EPG5: variants seen among roughly 807,000 people sequenced by gnomAD.
EPG5 encodes the protein ectopic P-granules 5 autophagy tethering factor, also known as ectopic P granules protein 5 homolog.
A neutral mutation model predicts 302.7 loss-of-function variants in EPG5; 159 were observed. That is an observed-to-expected ratio of 0.53 (90% confidence interval 0.46 to 0.60). The LOEUF (loss-of-function observed/expected upper bound fraction) is 0.60. Ranked by LOEUF, EPG5 falls within the 20% of genes least tolerant of loss-of-function variation. EPG5 has a pLI of 0.00. For missense variants in EPG5, 2,896 were observed against 3,092.4 expected (o/e 0.94, Z 1.51); for synonymous variants, 1,158 against 1,136.8 (o/e 1.02, Z -0.37).
chr18:45,811,013 C>T, the EPG5 span, among the ~76,000 whole-genome samples: 2 of 151,992 alleles, frequency 1.3e-5, no homozygotes, highest in Admixed American at 6.6e-5. Context: ...AGAGACATAC[C>T]TCAATGTAAT....
the EPG5 span, chr18:45,838,727 G>T: frequency 6.3e-7 from 1 of 1,577,078 alleles, no homozygotes; most frequent in Non-Finnish European, 8.5e-7. Flanking sequence ...GCCGCGCCGC[G>T]GATCGTCAAC....
chr18:45,913,690 G>C lies in EPG5; in HGVS notation c.3816+16C>G, dbSNP rs1301437178. Reference sequence around the variant, plus strand: ...AGCCACCTTCTACCACTCAAATGCAGAACTGCTATTTGTACCTTCAGAGCT... The same window carrying C: ...AGCCACCTTCTACCACTCAAATGCACAACTGCTATTTGTACCTTCAGAGCT... On this transcript the variant is annotated intron_variant, in intron 21 of 43. Transcript: ENST00000282041. The C allele has an allele frequency of 2.5e-6, 4 of 1,613,608 alleles. No homozygotes were observed. The African/African-American group carries it at 5.3e-5, about 22-fold the overall frequency.
intron 18 of EPG5, 104 bp downstream of exon 18, chr18:45,916,334 T>A: frequency 6.5e-7 from 1 of 1,538,002 alleles, no homozygotes; most frequent in East Asian, 2.3e-5. Flanking sequence ...AAAAGCACAC[T>A]AAGCCAAGTG....
At chr18:45,929,806 G>A (rs2050359134) in intron 12 of EPG5, among the ~76,000 whole-genome samples, 1 of 152,116 alleles carries the variant, frequency 6.6e-6, no homozygotes, top group Non-Finnish European at 1.5e-5. Context: ...CTTTATGCAT[G>A]GTTATGAAGT....
At chr18:45,925,687 A>G (rs1417592252) in intron 14 of EPG5, 51 bp downstream of exon 14, 2 of 1,350,908 alleles carry the variant, frequency 1.5e-6, no homozygotes, top group Non-Finnish European at 1.9e-6. Flanking sequence ...CCTTCTTTGA[A>G]ACAGATGCAT....
intron 30 of EPG5, among the ~76,000 whole-genome samples, chr18:45,883,459 G>A (rs1162953863): frequency 1.0e-5 from 1 of 98,190 alleles, no homozygotes; most frequent in Non-Finnish European, 2.2e-5. Context: ...TGTCAAGGTT[G>A]TCTTTTTTTT....
downstream of EPG5, among the ~76,000 whole-genome samples, chr18:45,846,036 AAG>A (rs1026501758): frequency 1.3e-5 from 2 of 152,190 alleles, no homozygotes; most frequent in Admixed American, 1.3e-4. Context: ...CAGACAGGAC[AAG>A]AGAGCCAGGG....
At chr18:45,826,741 A>T in the EPG5 span, among the ~76,000 whole-genome samples, 1 of 152,098 alleles carries the variant, frequency 6.6e-6, no homozygotes, top group Admixed American at 6.6e-5. Context: ...CTGGATGATA[A>T]ACTCCCACAC....
rs950136732 is a variant in EPG5, at chr18:45,851,532, C to T, written c.*935G>A. ...TCTGAGTTTGAAGTTAAAAAACAAG[C>T]AGGGAACAGAGAATCAGGTCTTCAG... On this transcript the variant is annotated 3_prime_UTR_variant, in exon 44 of 44. Coordinates refer to ENST00000282041, the MANE Select transcript of EPG5 (RefSeq NM_020964.3). The T allele has an allele frequency of 1.3e-5, 2 of 152,212 alleles. No individual in the cohort carries two copies. The highest frequency in any genetic ancestry group is 4.8e-5 in the African/African-American group (2 of 41,454). The allele number at this position is 152,212 out of a possible 1,614,324, so 9.4% of individuals were successfully genotyped here. A position where few individuals can be genotyped will look rare whatever the true frequency, so the allele number is the denominator to read the frequency against.
intron 16 of EPG5, among the ~76,000 whole-genome samples, chr18:45,918,508 T>A (rs1483139584): frequency 1.3e-5 from 2 of 152,218 alleles, no homozygotes; most frequent in East Asian, 3.8e-4. Context: ...GCATAAAAGT[T>A]TTATTCTCTG....
At chr18:45,816,842 A>G in the EPG5 span, among the ~76,000 whole-genome samples, 7 of 152,234 alleles carry the variant, frequency 4.6e-5, no homozygotes, top group African/African-American at 1.7e-4. Context: ...CACAATTCTT[A>G]ATTACAAAAA....
the EPG5 span, among the ~76,000 whole-genome samples, chr18:45,819,378 T>C: frequency 6.6e-6 from 1 of 152,314 alleles, no homozygotes; most frequent in East Asian, 1.9e-4. Flanking sequence ...TAAACTCTCT[T>C]TGTTTCATTG....
chr18:45,919,736 T>G (rs1024387972), intron 16 of EPG5, among the ~76,000 whole-genome samples: 141 of 152,142 alleles, frequency 9.3e-4, no homozygotes, highest in African/African-American at 3.1e-3. Flanking sequence ...ATGGTCTCGA[T>G]CTCCTGACCT....
chr18:45,831,745 T>TTA, the EPG5 span, among the ~76,000 whole-genome samples: 5 of 148,540 alleles, frequency 3.4e-5, no homozygotes, highest in African/African-American at 5.0e-5. Context: ...ACCAACATCT[T>TTA]TTTTTTTTTT....
chr18:45,944,055 T>C lies in EPG5; in HGVS notation c.1742A>G (p.Gln581Arg). The C allele has an allele frequency of 6.2e-7, 1 of 1,614,096 alleles. No individual in the cohort carries two copies. The highest frequency in any genetic ancestry group is 8.5e-7 in the Non-Finnish European group (1 of 1,179,934). The change falls in exon 8 of 44, where the codon CAG (glutamine) becomes CGG (arginine). Residue 581 changes from glutamine (Q) to arginine (R), a missense_variant. Gln to Arg is a conservative substitution (Grantham distance 43, BLOSUM62 1). This residue lies in a region of EPG5 where 1,390 missense variants were observed against 1,430.0 expected (regional missense o/e 0.97). Coordinates refer to ENST00000282041, the MANE Select transcript of EPG5 (RefSeq NM_020964.3). ...CTGAAAGAGTTCATGAAAGGGGAACTGTGCTAAAATGGTAACCAAATCATC... is the reference window on the plus strand; with the variant it reads ...CTGAAAGAGTTCATGAAAGGGGAACCGTGCTAAAATGGTAACCAAATCATC... ...NEDDLVTILAQFPFHELFQHL... is the reference protein window; with the variant it reads ...NEDDLVTILARFPFHELFQHL...
At chr18:45,898,940 C>A (rs963864912) in intron 27 of EPG5, among the ~76,000 whole-genome samples, 1 of 152,192 alleles carries the variant, frequency 6.6e-6, no homozygotes, top group Non-Finnish European at 1.5e-5. Flanking sequence ...GCCTAACCAA[C>A]ATGGTGAAAT....
At chr18:45,892,785 C>T (rs890346360) in intron 27 of EPG5, among the ~76,000 whole-genome samples, 3 of 152,132 alleles carry the variant, frequency 2.0e-5, no homozygotes, top group African/African-American at 7.2e-5. Flanking sequence ...CTGGAAATTT[C>T]CAGGACATTC....
intron 1 of EPG5, among the ~76,000 whole-genome samples, chr18:45,964,646 C>T (rs2051211168): frequency 6.6e-6 from 1 of 152,108 alleles, no homozygotes; most frequent in Admixed American, 6.5e-5. Context: ...CTTTACCAAC[C>T]CAATACAATG....
chr18:45,949,783 A>G (rs1403308722), intron 4 of EPG5, among the ~76,000 whole-genome samples, 192 bp from the exon 5 acceptor site: 4 of 152,258 alleles, frequency 2.6e-5, no homozygotes, highest in African/African-American at 2.4e-5. Flanking sequence ...ATAACATCAT[A>G]AGCAGATTCT....
Sources: allele counts gnomAD v4.1 joint callset (sites outside exome capture counted in the v4.1 genomes callset), GRCh38; gene constraint gnomAD v4.1.1; regional missense constraint gnomAD v4.1.1; transcripts MANE v1.5; gene names NCBI Gene and HGNC (gene_info 2026-07-23, HGNC 2026-07-21).